CCSER1: variants seen among roughly 807,000 people sequenced by gnomAD.
CCSER1 encodes the protein serine-rich coiled-coil domain-containing protein 1.
A neutral mutation model predicts 82.0 loss-of-function variants in CCSER1; 41 were observed. The ratio of observed to expected loss-of-function variants is 0.50; its 90% CI spans 0.39 to 0.65. CCSER1 has a LOEUF of 0.65. Among genes scored for constraint, CCSER1 ranks in the 30% least tolerant of loss-of-function variants. The probability of loss-of-function intolerance (pLI) is 0.00; values close to 1 mark genes in which losing one functional copy is unlikely to be tolerated. For missense variants in CCSER1, 1,119 were observed against 1,064.2 expected (o/e 1.05, Z -0.72); for synonymous variants, 414 against 383.9 (o/e 1.08, Z -0.92).
intron 10 of CCSER1, among the ~76,000 whole-genome samples, chr4:91,407,050 T>G (rs1022726476): frequency 2.0e-5 from 3 of 152,170 alleles, no homozygotes. Flanking sequence ...TTCAGCCCCT[T>G]TAACCCTTCT....
At chr4:90,778,022 A>T (rs1445799969) in intron 7 of CCSER1, among the ~76,000 whole-genome samples, 1 of 152,196 alleles carries the variant, frequency 6.6e-6, no homozygotes, top group Non-Finnish European at 1.5e-5. Context: ...TTCAAAAAAA[A>T]AATGTTTTCT....
At chr4:90,853,327 A>G (rs1271604834) in intron 8 of CCSER1, among the ~76,000 whole-genome samples, 1 of 152,110 alleles carries the variant, frequency 6.6e-6, no homozygotes, top group Non-Finnish European at 1.5e-5. Context: ...ATTTGTAAAT[A>G]AAAACAAAAA....
intron 3 of CCSER1, among the ~76,000 whole-genome samples, chr4:90,380,175 A>T (rs1201899731): frequency 6.6e-6 from 1 of 152,144 alleles, no homozygotes; most frequent in African/African-American, 2.4e-5. Flanking sequence ...TCAGGGTTAT[A>T]ATAAAAGCAC....
chr4:90,864,387 G>A (rs747627756), intron 8 of CCSER1, among the ~76,000 whole-genome samples: 46 of 151,964 alleles, frequency 3.0e-4, no homozygotes, highest in Admixed American at 1.2e-3. Context: ...GAGGTGGTTA[G>A]GTCATGAGGG....
At chr4:90,757,582 T>A (rs1399716826) in intron 7 of CCSER1, among the ~76,000 whole-genome samples, 1 of 152,188 alleles carries the variant, frequency 6.6e-6, no homozygotes, top group Non-Finnish European at 1.5e-5. Context: ...AGACCCTGGT[T>A]CTACGTAGTG....
intron 10 of CCSER1, among the ~76,000 whole-genome samples, chr4:91,101,926 A>C (rs116724490): frequency 0.01 from 1,585 of 152,336 alleles, 30 homozygotes; most frequent in African/African-American, 0.036. Context: ...CTTAAAAAGC[A>C]TTCTCATTCC....
chr4:90,954,274 T>C (rs12646812), intron 9 of CCSER1, among the ~76,000 whole-genome samples: 53,105 of 151,784 alleles, frequency 0.35, 9,476 homozygotes, highest in African/African-American at 0.42. Flanking sequence ...AAAAAGATTC[T>C]GTAATACAAT....
intron 5 of CCSER1, 41 bp downstream of exon 5, chr4:90,468,395 A>G (rs867730240): frequency 6.5e-6 from 10 of 1,550,092 alleles, no homozygotes; most frequent in South Asian, 6.1e-5. Flanking sequence ...TGTAAAATCA[A>G]TTAGATAACT....
chr4:90,915,411 A>C (rs558587453), intron 8 of CCSER1, among the ~76,000 whole-genome samples: 3 of 152,288 alleles, frequency 2.0e-5, no homozygotes, highest in African/African-American at 7.2e-5. Flanking sequence ...CAAAGACAAA[A>C]ACCACATGAT....
At chr4:90,740,274 T>G (rs1487835226) in intron 7 of CCSER1, among the ~76,000 whole-genome samples, 1 of 152,190 alleles carries the variant, frequency 6.6e-6, no homozygotes, top group Non-Finnish European at 1.5e-5. Flanking sequence ...GTCAATATTT[T>G]TTTCTCTTGG....
intron 3 of CCSER1, among the ~76,000 whole-genome samples, chr4:90,344,257 A>G (rs1033148223): frequency 4.6e-5 from 7 of 152,306 alleles, no homozygotes; most frequent in African/African-American, 1.7e-4. Flanking sequence ...TTCATTGTGT[A>G]TGTGTACCAC....
chr4:91,028,395 A>G (rs1028223604), intron 9 of CCSER1, among the ~76,000 whole-genome samples: 2 of 151,920 alleles, frequency 1.3e-5, no homozygotes, highest in African/African-American at 4.8e-5. Context: ...TGAAATGATC[A>G]AGTTTAAGGG....
intron 10 of CCSER1, among the ~76,000 whole-genome samples, chr4:91,436,097 G>T (rs1465876937): frequency 6.6e-6 from 1 of 152,076 alleles, no homozygotes; most frequent in Non-Finnish European, 1.5e-5. Context: ...ATATTATTAG[G>T]TTGGTTCAAA....
At chr4:90,854,940 G>A (rs1032705488) in intron 8 of CCSER1, among the ~76,000 whole-genome samples, 6 of 152,108 alleles carry the variant, frequency 3.9e-5, no homozygotes, top group Non-Finnish European at 8.8e-5. Context: ...AATCATGGCT[G>A]AAGGGTTAAA....
intron 1 of CCSER1, among the ~76,000 whole-genome samples, chr4:90,143,661 A>G (rs1215775699): frequency 1.3e-5 from 2 of 150,660 alleles, no homozygotes; most frequent in African/African-American, 4.9e-5. Context: ...CCTAGAATCA[A>G]TTATTTTACT....
intron 6 of CCSER1, among the ~76,000 whole-genome samples, chr4:90,683,957 G>A (rs150231443): frequency 6.6e-6 from 1 of 152,018 alleles, no homozygotes; most frequent in East Asian, 1.9e-4. Flanking sequence ...GCCTTCAGAG[G>A]TTAATAGCAA....
chr4:91,347,460 T>G (rs2149294882), intron 10 of CCSER1, among the ~76,000 whole-genome samples: 1 of 151,694 alleles, frequency 6.6e-6, no homozygotes, highest in Admixed American at 6.5e-5. Flanking sequence ...TGCTTTTTCT[T>G]ATGAAATTTA....
rs371962298 is a variant in CCSER1, at chr4:91,167,247, C to T, written c.2217+81253C>T. Among the ~76,000 whole-genome samples the T allele has an allele frequency of 3.6e-3, 482 of 134,718 alleles. 1 individual carries two copies. The highest frequency in any genetic ancestry group is 0.013 in the African/African-American group (448 of 35,440). The allele number at this position is 134,718 out of a possible 152,430, so 88.4% of individuals were successfully genotyped here. On this transcript the variant is annotated intron_variant, in intron 10 of 10. Transcript: ENST00000509176. Reference sequence around the variant, plus strand: ...TGTCACACAGACTAGAGTGCATTGGCGCGATCTCGGCTCACTGTAACCTTT... The same window carrying T: ...TGTCACACAGACTAGAGTGCATTGGTGCGATCTCGGCTCACTGTAACCTTT...
intron 9 of CCSER1, among the ~76,000 whole-genome samples, chr4:91,018,017 T>C (rs191366353): frequency 3.9e-4 from 59 of 152,224 alleles, no homozygotes; most frequent in African/African-American, 1.3e-3. Flanking sequence ...TGAATGTGGA[T>C]GGAAAGGAGA....
Sources: gnomAD v4.1 joint callset for allele counts (sites outside exome capture counted in the v4.1 genomes callset) on GRCh38, gnomAD v4.1.1 for gene constraint, MANE v1.5 for transcripts, NCBI Gene and HGNC (gene_info 2026-07-23, HGNC 2026-07-21) for gene names.